C1orf21: variants seen among roughly 807,000 people sequenced by gnomAD.
C1orf21 encodes chromosome 1 open reading frame 21.
In C1orf21, 3 loss-of-function variants were observed where a neutral mutation model predicts 18.7. That is an observed-to-expected ratio of 0.16 (90% CI 0.07 to 0.42). The LOEUF (loss-of-function observed/expected upper bound fraction) is 0.42, where lower values mean the gene tolerates loss of function less well. Among genes scored for constraint, C1orf21 ranks in the 10% least tolerant of loss-of-function variants. The probability of loss-of-function intolerance (pLI) is 0.99; values close to 1 mark genes in which losing one functional copy is unlikely to be tolerated. For synonymous variants in C1orf21, 41 were observed against 46.4 expected, an observed-to-expected ratio of 0.88 and a Z score of 0.47; for missense variants, 104 against 143.6, an observed-to-expected ratio of 0.72 and a Z score of 1.41.
At chr1:184,453,350 T>C (rs1657151291) in intron 1 of C1orf21, among the ~76,000 whole-genome samples, 1 of 152,198 alleles carries the variant, frequency 6.6e-6, no homozygotes, top group Non-Finnish European at 1.5e-5. Flanking sequence ...TTCTGACGGT[T>C]CTGACGGTTC....
intron 3 of C1orf21, among the ~76,000 whole-genome samples, chr1:184,568,744 T>G (rs1164888503): frequency 6.6e-6 from 1 of 152,224 alleles, no homozygotes; most frequent in Non-Finnish European, 1.5e-5. Flanking sequence ...GTCACAATTT[T>G]AGTCAAGGTT....
chr1:184,574,960 T>C (rs1659166841), intron 3 of C1orf21, among the ~76,000 whole-genome samples: 2 of 152,070 alleles, frequency 1.3e-5, no homozygotes. Context: ...AGGGCAAGTG[T>C]GAAGAAAGAA....
At chr1:184,599,222 T>G (rs1384310309) in intron 5 of C1orf21, 2 of 152,236 alleles carry the variant, frequency 1.3e-5, no homozygotes, top group African/African-American at 4.8e-5. Flanking sequence ...AAGAGTGAAC[T>G]TCTAAGTTCA....
At chr1:184,582,324 A>G (rs1659286422) in intron 3 of C1orf21, among the ~76,000 whole-genome samples, 1 of 152,266 alleles carries the variant, frequency 6.6e-6, no homozygotes, top group Admixed American at 6.5e-5. Flanking sequence ...ACTTCACCAC[A>G]AATCTCTTGC....
At chr1:184,567,158 T>G in intron 3 of C1orf21, 1 of 476,888 alleles carries the variant, frequency 2.1e-6, no homozygotes, top group East Asian at 5.5e-5. Flanking sequence ...TGAAGGTGGT[T>G]ACTGGTGTGA....
intron 3 of C1orf21, among the ~76,000 whole-genome samples, chr1:184,529,197 C>T (rs1276485617): frequency 6.6e-6 from 1 of 152,144 alleles, no homozygotes; most frequent in Non-Finnish European, 1.5e-5. Context: ...TTATTTCCTA[C>T]TCTCTTTTCT....
chr1:184,574,346 A>G (rs1367236337), intron 3 of C1orf21, among the ~76,000 whole-genome samples: 1 of 152,264 alleles, frequency 6.6e-6, no homozygotes, highest in Non-Finnish European at 1.5e-5. Flanking sequence ...TGAAATGTGC[A>G]TATGGAAAAA....
chr1:184,568,214 A>G (rs1184457167), intron 3 of C1orf21, among the ~76,000 whole-genome samples: 1 of 152,238 alleles, frequency 6.6e-6, no homozygotes, highest in East Asian at 1.9e-4. Flanking sequence ...AAATTGTGGT[A>G]AAATATACAT....
At chr1:184,404,256 C>G (rs1276702220) in intron 1 of C1orf21, among the ~76,000 whole-genome samples, 1 of 152,180 alleles carries the variant, frequency 6.6e-6, no homozygotes, top group Non-Finnish European at 1.5e-5. Flanking sequence ...TTAAGAACTT[C>G]AGGTGCTAAT....
chr1:184,440,844 G>T (rs1656932569), intron 1 of C1orf21, among the ~76,000 whole-genome samples: 1 of 152,178 alleles, frequency 6.6e-6, no homozygotes, highest in African/African-American at 2.4e-5. Flanking sequence ...GGACCTGGCT[G>T]AGAGGCTGGC....
chr1:184,565,138 C>G lies in C1orf21; in HGVS notation c.190-25601C>G, dbSNP rs1428205536. 2.0e-5 allele frequency among the ~76,000 whole-genome samples: 3 copies of G among 152,214 alleles called. No homozygotes were observed. In the East Asian group the frequency reaches 5.8e-4, roughly 29 times the overall value. Reference sequence around the variant, plus strand: ...CAAAAAAGTATTTCAGGACAAGACTCTGAGGTTGACCTGGTTACTTTTCAG... The same window carrying G: ...CAAAAAAGTATTTCAGGACAAGACTGTGAGGTTGACCTGGTTACTTTTCAG... On this transcript the variant is annotated intron_variant, in intron 3 of 5. Coordinates refer to ENST00000235307, the MANE Select transcript of C1orf21 (RefSeq NM_030806.4).
At chr1:184,601,007 T>C (rs1324298243) in intron 5 of C1orf21, among the ~76,000 whole-genome samples, 2 of 152,256 alleles carry the variant, frequency 1.3e-5, no homozygotes, top group Non-Finnish European at 2.9e-5. Flanking sequence ...ATTGTTTTCC[T>C]GGTCATTTAC....
At chr1:184,575,611 T>TAAAAAAAAAAAA (rs59167087) in intron 3 of C1orf21, among the ~76,000 whole-genome samples, 1 of 83,508 alleles carries the variant, frequency 1.2e-5, no homozygotes, top group Non-Finnish European at 2.6e-5. Context: ...CACAAAAAGG[T>TAAAAAAAAAAAA]AAAAAAAAAA....
At chr1:184,486,982 C>T (rs1657741909) in intron 2 of C1orf21, among the ~76,000 whole-genome samples, 1 of 152,186 alleles carries the variant, frequency 6.6e-6, no homozygotes, top group South Asian at 2.1e-4. Context: ...GCTTCCTGGC[C>T]CTCTGGCACC....
chr1:184,554,077 A>G lies in C1orf21; in HGVS notation c.190-36662A>G, dbSNP rs566691285. 1.9e-3 allele frequency among the ~76,000 whole-genome samples: 291 copies of G among 152,314 alleles called. 1 individual carries two copies. Among genetic ancestry groups the G allele is most frequent in the Admixed American group, 5.6e-3 (86 of 15,302 alleles). On this transcript the variant is annotated intron_variant, in intron 3 of 5. Coordinates refer to ENST00000235307, the MANE Select transcript of C1orf21 (RefSeq NM_030806.4). ...CAGTTCAGTCATAAACCTTATTCCTATACTTCCTTTCTTGCTTGTAATTTT... is the reference window on the plus strand; with the variant it reads ...CAGTTCAGTCATAAACCTTATTCCTGTACTTCCTTTCTTGCTTGTAATTTT...
chr1:184,598,051 C>T (rs1425911413), intron 4 of C1orf21, among the ~76,000 whole-genome samples: 2 of 151,956 alleles, frequency 1.3e-5, no homozygotes, highest in Non-Finnish European at 2.9e-5. Context: ...TTTCAATACA[C>T]TGTTGAAATA....
chr1:184,599,787 T>C lies in C1orf21; in HGVS notation c.327+1326T>C, dbSNP rs1659563075. 2.6e-5 allele frequency among the ~76,000 whole-genome samples: 4 copies of C among 152,262 alleles called. No homozygotes were observed. The South Asian group carries it at 8.3e-4, about 32-fold the overall frequency. Reference sequence around the variant, plus strand: ...CAGGTTAAGTATCCCTAAATCGAAATCCAAAATGCTCCAAAATCTGTAACT... The same window carrying C: ...CAGGTTAAGTATCCCTAAATCGAAACCCAAAATGCTCCAAAATCTGTAACT... On this transcript the variant is annotated intron_variant, in intron 5 of 5. Transcript: ENST00000235307.
chr1:184,456,881 G>A (rs1480584323), intron 1 of C1orf21, among the ~76,000 whole-genome samples: 2 of 152,084 alleles, frequency 1.3e-5, no homozygotes, highest in Non-Finnish European at 2.9e-5. Context: ...ATTCTTAGAT[G>A]TCTCCAGGGG....
At chr1:184,412,776 C>T (rs1445748544) in intron 1 of C1orf21, among the ~76,000 whole-genome samples, 1 of 152,126 alleles carries the variant, frequency 6.6e-6, no homozygotes, top group African/African-American at 2.4e-5. Context: ...CCACCACACT[C>T]CAGCCTGGGC....
Sources: allele counts gnomAD v4.1 joint callset (sites outside exome capture counted in the v4.1 genomes callset), GRCh38; gene constraint gnomAD v4.1.1; transcripts MANE v1.5; gene names NCBI Gene and HGNC (gene_info 2026-07-23, HGNC 2026-07-21).